CTNND2: variants seen among roughly 807,000 people sequenced by gnomAD.
CTNND2 encodes the protein catenin delta-2.
In CTNND2, 22 loss-of-function variants were observed where a neutral mutation model predicts 144.4. That is an observed-to-expected ratio of 0.15 (90% CI 0.11 to 0.22). The LOEUF is 0.22. Among genes scored for constraint, CTNND2 ranks in the 10% least tolerant of loss-of-function variants. CTNND2 has a pLI of 1.00. For synonymous variants in CTNND2, 751 were observed against 695.6 expected (o/e 1.08, Z -1.25); for missense variants, 1,353 against 1,618.8 (o/e 0.84, Z 2.82).
Position 11,364,877 on chromosome 5 carries a change from G to A in CTNND2, c.1191C>T (p.Ala397=). The A allele has an allele frequency of 6.2e-7, 1 of 1,611,688 alleles. No individual in the cohort carries two copies. The highest frequency in any genetic ancestry group is 8.5e-7 in the Non-Finnish European group (1 of 1,178,986). Residue 397 remains alanine (A), a synonymous_variant, in exon 8 of 22, where the codon GCC becomes GCT. Transcript: ENST00000304623. ...GGTGCCCATGCTGGCTGCTGTATGA[G>A]GCTCGGGAACCAGCTGAAATAAATC... ...RPGSLAAGSR[A]SYSSQHGHLG... is the part of the protein sequence containing the mutation.
intron 8 of CTNND2, among the ~76,000 whole-genome samples, chr5:11,354,138 G>A (rs1345075577): frequency 6.6e-6 from 1 of 152,202 alleles, no homozygotes; most frequent in Non-Finnish European, 1.5e-5. Flanking sequence ...CATTATTCAT[G>A]TGGTTTCACA....
intron 2 of CTNND2, among the ~76,000 whole-genome samples, chr5:11,691,013 C>T (rs533144346): frequency 1.3e-5 from 2 of 152,188 alleles, no homozygotes; most frequent in South Asian, 4.1e-4. Context: ...TTTGTTTTTG[C>T]AGTCCATCTA....
chr5:11,322,964 G>A (rs1432194963), intron 9 of CTNND2, among the ~76,000 whole-genome samples: 1 of 152,100 alleles, frequency 6.6e-6, no homozygotes. Flanking sequence ...GGGCAGATGT[G>A]GTTATCTGAC....
At chr5:11,632,996 G>C (rs950109863) in intron 2 of CTNND2, among the ~76,000 whole-genome samples, 2 of 152,158 alleles carry the variant, frequency 1.3e-5, no homozygotes, top group Non-Finnish European at 2.9e-5. Flanking sequence ...CCTCAGAGAA[G>C]TGCAGGACAC....
chr5:11,355,015 A>C (rs1755712037), intron 8 of CTNND2, among the ~76,000 whole-genome samples: 1 of 152,202 alleles, frequency 6.6e-6, no homozygotes, highest in Non-Finnish European at 1.5e-5. Flanking sequence ...TAATGAAATT[A>C]AACGGCAAAT....
At chr5:11,441,308 T>A (rs60038420) in intron 3 of CTNND2, among the ~76,000 whole-genome samples, 2,391 of 151,960 alleles carry the variant, frequency 0.016, 77 homozygotes, top group African/African-American at 0.056. Flanking sequence ...GGCCATTTTA[T>A]TATTGAGCTT....
intron 9 of CTNND2, among the ~76,000 whole-genome samples, chr5:11,257,481 C>T (rs754028260): frequency 2.0e-5 from 3 of 152,174 alleles, no homozygotes; most frequent in African/African-American, 4.8e-5. Context: ...AACGTACAGT[C>T]ATGGCAGAAG....
intron 1 of CTNND2, among the ~76,000 whole-genome samples, chr5:11,737,949 C>A (rs569052522): frequency 6.6e-6 from 1 of 152,312 alleles, no homozygotes; most frequent in African/African-American, 2.4e-5. Context: ...AAATAAATTT[C>A]TGTTATTTAA....
At chr5:11,785,076 T>C (rs1394566140) in intron 1 of CTNND2, among the ~76,000 whole-genome samples, 2 of 152,256 alleles carry the variant, frequency 1.3e-5, no homozygotes, top group Non-Finnish European at 2.9e-5. Flanking sequence ...GTGCATACAA[T>C]GTAAAAATAA....
chr5:11,890,841 G>A (rs768650251), intron 1 of CTNND2, among the ~76,000 whole-genome samples: 8 of 152,306 alleles, frequency 5.3e-5, no homozygotes, highest in South Asian at 4.1e-4. Flanking sequence ...CGGCCAAAGT[G>A]GCTAGAGCCT....
At chr5:11,857,068 C>T (rs1795286461) in intron 1 of CTNND2, among the ~76,000 whole-genome samples, 1 of 152,122 alleles carries the variant, frequency 6.6e-6, no homozygotes, top group Non-Finnish European at 1.5e-5. Context: ...AATATTTGAA[C>T]TTAAAAACCA....
chr5:11,144,776 T>G (rs1757084845), intron 12 of CTNND2, among the ~76,000 whole-genome samples: 1 of 151,922 alleles, frequency 6.6e-6, no homozygotes, highest in African/African-American at 2.4e-5. Flanking sequence ...TTTTACGGAG[T>G]GAGGTTCCTA....
intron 11 of CTNND2, among the ~76,000 whole-genome samples, chr5:11,162,017 G>T (rs768175478): frequency 4.6e-5 from 7 of 152,032 alleles, no homozygotes; most frequent in Non-Finnish European, 8.8e-5. Flanking sequence ...GGGTGTGGTG[G>T]CGTGTGCTTA....
chr5:11,010,923 A>C (rs1453159580), intron 18 of CTNND2, among the ~76,000 whole-genome samples: 1 of 152,220 alleles, frequency 6.6e-6, no homozygotes, highest in Non-Finnish European at 1.5e-5. Context: ...TTCTCTCATC[A>C]CGAAGGCAAG....
chr5:11,610,021 T>G (rs1438923236), intron 2 of CTNND2, among the ~76,000 whole-genome samples: 1 of 152,232 alleles, frequency 6.6e-6, no homozygotes, highest in African/African-American at 2.4e-5. Flanking sequence ...AGTCCTAGTA[T>G]TTGTTATGTT....
chr5:11,237,368 A>C (rs1741769516), intron 9 of CTNND2, among the ~76,000 whole-genome samples: 1 of 152,214 alleles, frequency 6.6e-6, no homozygotes, highest in South Asian at 2.1e-4. Context: ...TATTGGTTTT[A>C]TAGATTATAT....
chr5:11,467,188 C>A (rs764216429), intron 3 of CTNND2, among the ~76,000 whole-genome samples: 1 of 152,364 alleles, frequency 6.6e-6, no homozygotes, highest in East Asian at 1.9e-4. Flanking sequence ...AGAGCCAGCA[C>A]AGGCTGTGCA....
intron 7 of CTNND2, among the ~76,000 whole-genome samples, chr5:11,375,474 C>T (rs1039573687): frequency 6.6e-6 from 1 of 152,142 alleles, no homozygotes; most frequent in Non-Finnish European, 1.5e-5. Flanking sequence ...ATGTAATAAA[C>T]AGTTCTAAGG....
At chr5:11,322,911 T>C (rs1004587086) in intron 9 of CTNND2, among the ~76,000 whole-genome samples, 1 of 152,098 alleles carries the variant, frequency 6.6e-6, no homozygotes, top group African/African-American at 2.4e-5. Context: ...CAGATGTAAA[T>C]TTAGAGATCA....
Sources: allele counts gnomAD v4.1 joint callset (sites outside exome capture counted in the v4.1 genomes callset), GRCh38; gene constraint gnomAD v4.1.1; transcripts MANE v1.5; gene names NCBI Gene and HGNC (gene_info 2026-07-23, HGNC 2026-07-21).